KCNIP4: variants seen among roughly 807,000 people sequenced by gnomAD.
KCNIP4 encodes the protein Kv channel-interacting protein 4.
KCNIP4 carries 12 observed loss-of-function variants against 34.0 expected under a neutral mutation model. That is an observed-to-expected ratio of 0.35 (90% CI 0.23 to 0.57). KCNIP4 has a LOEUF of 0.57. Ranked by LOEUF, KCNIP4 falls within the 20% of genes least tolerant of loss-of-function variation. The pLI is 0.83. For missense variants in KCNIP4, 238 were observed against 311.7 expected, an observed-to-expected ratio of 0.76 and a Z score of 1.78; for synonymous variants, 124 against 102.2, an observed-to-expected ratio of 1.21 and a Z score of -1.29.
chr4:21,017,398 G>A (rs950700028), intron 1 of KCNIP4, among the ~76,000 whole-genome samples: 10 of 152,120 alleles, frequency 6.6e-5, no homozygotes, highest in Admixed American at 4.6e-4. Context: ...GTGTCCATGT[G>A]TTCTCATCAA....
intron 1 of KCNIP4, among the ~76,000 whole-genome samples, chr4:21,893,910 CT>C (rs1472866744): frequency 6.6e-6 from 1 of 152,124 alleles, no homozygotes; most frequent in South Asian, 2.1e-4. Flanking sequence ...TTACTTCCTG[CT>C]TTAGGATCCT....
At chr4:21,064,995 G>C (rs1236588454) in intron 1 of KCNIP4, among the ~76,000 whole-genome samples, 4 of 152,116 alleles carry the variant, frequency 2.6e-5, no homozygotes, top group Non-Finnish European at 5.9e-5. Context: ...TTGACCACCT[G>C]TTCATTAATT....
Position 21,877,211 on chromosome 4 carries a change from A to G in KCNIP4, c.61+71360T>C, listed in dbSNP as rs563083392. ...CTACTGAAAATACAAAAATTAGCCA[A>G]GTGTGGTGGCGGGTCCCTGTAATCA... is the stretch of plus-strand genomic sequence containing the variant. On this transcript the variant is annotated intron_variant, in intron 1 of 8. Transcript: ENST00000382152. Among the ~76,000 whole-genome samples the G allele has an allele frequency of 1.7e-3, 254 of 152,088 alleles. 1 individual carries two copies. The highest frequency in any genetic ancestry group is 0.01 in the Middle Eastern group (3 of 294).
intron 1 of KCNIP4, among the ~76,000 whole-genome samples, chr4:21,826,632 A>G (rs1037059837): frequency 1.3e-5 from 2 of 152,132 alleles, no homozygotes; most frequent in East Asian, 3.9e-4. Flanking sequence ...GATTAAAGAT[A>G]TGATCACATG....
chr4:21,793,660 T>C (rs1720437074), intron 1 of KCNIP4, among the ~76,000 whole-genome samples: 1 of 152,212 alleles, frequency 6.6e-6, no homozygotes, highest in Non-Finnish European at 1.5e-5. Context: ...ACCACCTGAA[T>C]CCTCCTTTTA....
At chr4:21,647,929 A>C (rs542785954) in intron 1 of KCNIP4, among the ~76,000 whole-genome samples, 35 of 125,068 alleles carry the variant, frequency 2.8e-4, no homozygotes, top group African/African-American at 1.1e-3. Context: ...GCTGGAGTGC[A>C]GTGGCGTGAT....
chr4:20,909,152 G>T (rs180930422), intron 1 of KCNIP4, among the ~76,000 whole-genome samples: 8 of 152,304 alleles, frequency 5.3e-5, no homozygotes, highest in Admixed American at 2.0e-4. Flanking sequence ...CAAACGGTTT[G>T]CTTATTGAAT....
chr4:21,288,783 G>C (rs972935891), intron 1 of KCNIP4, among the ~76,000 whole-genome samples: 1 of 152,054 alleles, frequency 6.6e-6, no homozygotes, highest in Admixed American at 6.6e-5. Flanking sequence ...CTCTTTGCTG[G>C]CAACTGCACC....
At chr4:21,541,180 CAA>C (rs60459395) in intron 1 of KCNIP4, among the ~76,000 whole-genome samples, 1,771 of 107,470 alleles carry the variant, frequency 0.016, 40 homozygotes, top group African/African-American at 0.055. Context: ...CAAAAGAAAA[CAA>C]AAAAAAAAAA....
rs1720813228 is a variant in KCNIP4 at position 21,374,713 on chromosome 4, T to C, written c.62-492004A>G. Reference sequence around the variant, plus strand: ...ACATGAGAATAACAAATGTATCTTATATAAAATGAAGGATCAGGTTGATGT... The same window carrying C: ...ACATGAGAATAACAAATGTATCTTACATAAAATGAAGGATCAGGTTGATGT... On this transcript the variant is annotated intron_variant, in intron 1 of 8. Coordinates refer to ENST00000382152, the MANE Select transcript of KCNIP4 (RefSeq NM_025221.6). Among the ~76,000 whole-genome samples, 3 of 147,690 alleles carry C rather than the reference T, an allele frequency of 2.0e-5. 1 individual carries two copies. In the South Asian group the frequency reaches 6.3e-4, roughly 31 times the overall value.
At chr4:21,798,586 G>GAAAGAAAGAAAGAA (rs34338129) in intron 1 of KCNIP4, among the ~76,000 whole-genome samples, 7 of 59,022 alleles carry the variant, frequency 1.2e-4, no homozygotes, top group Non-Finnish European at 2.3e-4. Context: ...AAGAAAGAAA[G>GAAAGAAAGAAAGAA]AGAAAAAATG....
chr4:21,133,396 A>G (rs1159739824), intron 1 of KCNIP4, among the ~76,000 whole-genome samples: 1 of 152,228 alleles, frequency 6.6e-6, no homozygotes, highest in East Asian at 1.9e-4. Flanking sequence ...CCGGAAAATG[A>G]GGATGATTCC....
intron 1 of KCNIP4, among the ~76,000 whole-genome samples, chr4:20,952,012 A>G (rs1007832955): frequency 6.6e-6 from 1 of 152,240 alleles, no homozygotes; most frequent in Non-Finnish European, 1.5e-5. Flanking sequence ...CATGGTGCCT[A>G]GCACAGAGTG....
chr4:20,916,986 TATATATATATATATATATATATATA>T lies in KCNIP4; in HGVS notation c.62-34302_62-34278del, dbSNP rs1365271722. Among the ~76,000 whole-genome samples, 48 of 78,898 alleles carry T rather than the reference TATATATATATATATATATATATATA, an allele frequency of 6.1e-4. 4 individuals carry two copies. Among genetic ancestry groups the T allele is most frequent in the African/African-American group, 2.1e-3 (42 of 19,656 alleles). The allele number at this position is 78,898 out of a possible 152,430, so 51.8% of individuals were successfully genotyped here. ...CTTCCACCATTGACCATCTTATGTTTATATATATATATATATATATATATATATATATATATATATATATATATAT... is the reference window on the plus strand; with the variant it reads ...CTTCCACCATTGACCATCTTATGTTTTATATATATATATATATATATATAT... On this transcript the variant is annotated intron_variant, in intron 1 of 8. Coordinates refer to ENST00000382152, the MANE Select transcript of KCNIP4 (RefSeq NM_025221.6).
At chr4:21,504,475 AAAAGAAAGAAAGAAAG>A (rs71191514) in intron 1 of KCNIP4, among the ~76,000 whole-genome samples, 1 of 101,852 alleles carries the variant, frequency 9.8e-6, no homozygotes, top group Non-Finnish European at 2.0e-5. Context: ...CAAAAAAAAA[AAAAGAAAGAAAGAAAG>A]AAAGAAAGAA....
rs926955127 is a variant in KCNIP4, at chr4:21,899,560, AT to A, written c.61+49010del. Among the ~76,000 whole-genome samples the A allele has an allele frequency of 9.2e-4, 140 of 151,778 alleles. 1 individual carries two copies. Among genetic ancestry groups the A allele is most frequent in the Middle Eastern group, 3.4e-3 (1 of 294 alleles). ...ACCCTAAGGACTCCATCAAAAAAAA[AT>A]ATTAGAACTGATAAAAAAATTCAGC... is the stretch of plus-strand genomic sequence containing the variant. On this transcript the variant is annotated intron_variant, in intron 1 of 8. Transcript: ENST00000382152.
chr4:20,988,959 T>G (rs1201956503), intron 1 of KCNIP4, among the ~76,000 whole-genome samples: 1 of 152,250 alleles, frequency 6.6e-6, no homozygotes, highest in Non-Finnish European at 1.5e-5. Flanking sequence ...ACCTTACAAA[T>G]AAGCCTTATA....
chr4:21,013,962 C>T (rs1365591249), intron 1 of KCNIP4, among the ~76,000 whole-genome samples: 1 of 152,154 alleles, frequency 6.6e-6, no homozygotes, highest in Admixed American at 6.5e-5. Context: ...TCTGAGCCTT[C>T]ACAGAATCCT....
At chr4:21,867,508 G>A (rs1725504479) in intron 1 of KCNIP4, among the ~76,000 whole-genome samples, 1 of 152,144 alleles carries the variant, frequency 6.6e-6, no homozygotes, top group Non-Finnish European at 1.5e-5. Context: ...CAGACCAGTA[G>A]CGTTCTTCCA....
Sources: gnomAD v4.1 joint callset for allele counts (sites outside exome capture counted in the v4.1 genomes callset) on GRCh38, gnomAD v4.1.1 for gene constraint, MANE v1.5 for transcripts, NCBI Gene and HGNC (gene_info 2026-07-23, HGNC 2026-07-21) for gene names.